SNX7: variants seen among roughly 807,000 people sequenced by gnomAD.
The protein encoded by SNX7 is sorting nexin 7.
Under a neutral mutation model 48.4 loss-of-function variants are expected in SNX7, and 35 were observed. That is an observed-to-expected ratio of 0.72 (90% confidence interval 0.55 to 0.96). The LOEUF (loss-of-function observed/expected upper bound fraction) is 0.96. Among genes scored for constraint, SNX7 ranks in the 40% least tolerant of loss-of-function variants. The probability of loss-of-function intolerance (pLI) is 0.00; values close to 1 mark genes in which losing one functional copy is unlikely to be tolerated. For synonymous variants in SNX7, 190 were observed against 190.2 expected, an observed-to-expected ratio of 1.00 and a Z score of 0.01; for missense variants, 553 against 548.9, an observed-to-expected ratio of 1.01 and a Z score of -0.07.
Position 98,760,323 on chromosome 1 carries a change from T to C in SNX7, c.*192T>C, listed in dbSNP as rs909600965. 9 of 552,054 alleles carry C rather than the reference T, an allele frequency of 1.6e-5. No individual in the cohort carries two copies. The highest frequency in any genetic ancestry group is 2.9e-5 in the Non-Finnish European group (9 of 309,084). The allele number at this position is 552,054 out of a possible 1,614,324, so 34.2% of individuals were successfully genotyped here. On this transcript the variant is annotated 3_prime_UTR_variant, in exon 9 of 9. Coordinates refer to ENST00000306121, the MANE Select transcript of SNX7 (RefSeq NM_015976.5). ...GAAGATATATCTATCTGTATGGATA[T>C]ATATCTATATGTATATAGATATATA...
At chr1:98,733,063 T>C (rs1009913514) in intron 7 of SNX7, among the ~76,000 whole-genome samples, 1 of 152,152 alleles carries the variant, frequency 6.6e-6, no homozygotes, top group African/African-American at 2.4e-5. Flanking sequence ...GCTTCAAAGC[T>C]TAACTTTAAT....
intron 8 of SNX7, among the ~76,000 whole-genome samples, chr1:98,741,041 C>T (rs919443259): frequency 1.3e-5 from 2 of 152,122 alleles, no homozygotes; most frequent in Non-Finnish European, 2.9e-5. Context: ...GCCTAAACAG[C>T]AACAATCTGT....
At chr1:98,741,724 C>T (rs1394897158) in intron 8 of SNX7, among the ~76,000 whole-genome samples, 1 of 152,074 alleles carries the variant, frequency 6.6e-6, no homozygotes, top group Non-Finnish European at 1.5e-5. Flanking sequence ...AACATCCATG[C>T]CCTGGATACA....
intron 8 of SNX7, among the ~76,000 whole-genome samples, chr1:98,744,916 C>T (rs936079484): frequency 6.6e-6 from 1 of 152,006 alleles, no homozygotes; most frequent in East Asian, 1.9e-4. Context: ...CAGACCTTTA[C>T]TTACCCAGAA....
intron 1 of SNX7, among the ~76,000 whole-genome samples, chr1:98,674,579 G>T (rs1324393923): frequency 6.6e-6 from 1 of 152,118 alleles, no homozygotes; most frequent in African/African-American, 2.4e-5. Flanking sequence ...GTCCAAATAA[G>T]GTCACACTCC....
intron 7 of SNX7, among the ~76,000 whole-genome samples, chr1:98,722,042 T>C (rs1652903715): frequency 6.6e-6 from 1 of 152,044 alleles, no homozygotes; most frequent in East Asian, 1.9e-4. Context: ...AAATAATTGG[T>C]TTTCTGTTTC....
intron 4 of SNX7, 123 bp downstream of exon 4, chr1:98,691,822 T>C: frequency 1.3e-6 from 1 of 744,424 alleles, no homozygotes. Context: ...GATGGAATTT[T>C]TCAGAAACAC....
intron 8 of SNX7, among the ~76,000 whole-genome samples, chr1:98,743,051 G>A (rs1272166091): frequency 6.6e-6 from 1 of 150,718 alleles, no homozygotes; most frequent in Non-Finnish European, 1.5e-5. Context: ...ATAAATATTA[G>A]CTTTTTGAAA....
intron 8 of SNX7, among the ~76,000 whole-genome samples, chr1:98,759,069 G>A (rs1041903128): frequency 2.6e-5 from 4 of 151,946 alleles, no homozygotes; most frequent in African/African-American, 4.8e-5. Flanking sequence ...CTGGTTGTCC[G>A]ATATAGACAC....
At chr1:98,747,720 A>G (rs545121199) in intron 8 of SNX7, among the ~76,000 whole-genome samples, 2 of 152,172 alleles carry the variant, frequency 1.3e-5, no homozygotes, top group Non-Finnish European at 2.9e-5. Context: ...AGCATGTAAA[A>G]CACAGTCAAT....
chr1:98,705,661 G>A (rs1339801240), intron 7 of SNX7, among the ~76,000 whole-genome samples: 1 of 152,152 alleles, frequency 6.6e-6, no homozygotes, highest in Non-Finnish European at 1.5e-5. Context: ...AGCTCAAAAA[G>A]CATGCTAAAT....
chr1:98,692,296 A>G (rs1169249758), intron 4 of SNX7, among the ~76,000 whole-genome samples: 1 of 152,108 alleles, frequency 6.6e-6, no homozygotes, highest in Non-Finnish European at 1.5e-5. Context: ...GGAAGACAAA[A>G]TATACCAACA....
At chr1:98,690,583 C>T (rs1398420827) in intron 2 of SNX7, among the ~76,000 whole-genome samples, 1 of 151,962 alleles carries the variant, frequency 6.6e-6, no homozygotes, top group Non-Finnish European at 1.5e-5. Context: ...AAAAGCAAAT[C>T]CTAGCACAGC....
intron 7 of SNX7, among the ~76,000 whole-genome samples, chr1:98,708,713 C>T (rs756289221): frequency 6.6e-6 from 1 of 152,068 alleles, no homozygotes; most frequent in Non-Finnish European, 1.5e-5. Flanking sequence ...CTGTCTTCTC[C>T]GGCAGCCCTG....
intron 8 of SNX7, among the ~76,000 whole-genome samples, chr1:98,752,080 CAT>C (rs1384166530): frequency 1.3e-5 from 2 of 151,910 alleles, no homozygotes; most frequent in African/African-American, 4.8e-5. Context: ...CAAATAGAAA[CAT>C]GTTTTAAAAA....
At chr1:98,716,522 C>G (rs1652599567) in intron 7 of SNX7, among the ~76,000 whole-genome samples, 2 of 152,078 alleles carry the variant, frequency 1.3e-5, no homozygotes, top group African/African-American at 4.8e-5. Flanking sequence ...CATTATGTTT[C>G]CTGCATGGGA....
chr1:98,743,953 T>C (rs1654195373), intron 8 of SNX7, among the ~76,000 whole-genome samples: 1 of 152,096 alleles, frequency 6.6e-6, no homozygotes, highest in African/African-American at 2.4e-5. Context: ...TTTGGATGGA[T>C]GGCATTTAGA....
chr1:98,700,070 G>T (rs2100972856), intron 6 of SNX7, among the ~76,000 whole-genome samples: 1 of 152,240 alleles, frequency 6.6e-6, no homozygotes, highest in Admixed American at 6.5e-5. Flanking sequence ...TATCAAGATG[G>T]AAATTATGTA....
chr1:98,667,915 A>C (rs1419071802), intron 1 of SNX7, among the ~76,000 whole-genome samples: 2 of 151,746 alleles, frequency 1.3e-5, no homozygotes, highest in Non-Finnish European at 2.9e-5. Flanking sequence ...TTAGGAAAAA[A>C]AAAACAAAAA....
Sources: gnomAD v4.1 joint callset for allele counts (sites outside exome capture counted in the v4.1 genomes callset) on GRCh38, gnomAD v4.1.1 for gene constraint, MANE v1.5 for transcripts, NCBI Gene and HGNC (gene_info 2026-07-23, HGNC 2026-07-21) for gene names.